The following ATRN variants were observed in gnomAD, a reference collection of about 807,000 sequenced individuals.
ATRN encodes the protein attractin.
A neutral mutation model predicts 178.7 loss-of-function variants in ATRN; 54 were observed. The observed-to-expected ratio is 0.30, with a 90% CI of 0.24 to 0.38. The LOEUF (loss-of-function observed/expected upper bound fraction) is 0.38, where lower values mean the gene tolerates loss of function less well. ATRN is among the 10% of genes least tolerant of loss of function. The pLI, the probability that ATRN is intolerant of heterozygous loss-of-function variation, is 1.00. For missense variants in ATRN, 1,443 were observed against 1,815.1 expected (o/e 0.79, Z 3.73); for synonymous variants, 636 against 663.0 (o/e 0.96, Z 0.63).
rs1272756475 is a variant in ATRN, at chr20:3,649,704, AG to A, written c.*2860del. 2 of 152,230 alleles carry A rather than the reference AG, an allele frequency of 1.3e-5. No individual in the cohort carries two copies. The highest frequency in any genetic ancestry group is 4.8e-5 in the African/African-American group (2 of 41,460). The allele number at this position is 152,230 out of a possible 1,614,324, so 9.4% of individuals were successfully genotyped here. On this transcript the variant is annotated 3_prime_UTR_variant, in exon 29 of 29. Coordinates refer to ENST00000262919, the MANE Select transcript of ATRN (RefSeq NM_139321.3). The stretch of plus-strand genomic sequence containing the variant: ...CAGCCTCTTGGTGCTCTGGGTAGTG[AG>A]GGATGACCAGTCTTGTCCTGAGAAA...
At position 3,511,317 on chromosome 20, in the gene ATRN, A is replaced by G. The variant is rs1359881106; in HGVS notation, c.411-23936A>G. Among the ~76,000 whole-genome samples the G allele has an allele frequency of 3.3e-5, 5 of 152,170 alleles. No homozygotes were observed. In the East Asian group the frequency reaches 5.8e-4, roughly 18 times the overall value. On this transcript the variant is annotated intron_variant, in intron 1 of 28. Transcript: ENST00000262919. ...TAGAAAAGACTAATAAAACTGATCA[A>G]CTGCTGGAGAGATTGATAAAGGCAA...
intron 4 of ATRN, 115 bp downstream of exon 4, chr20:3,546,005 A>G (rs146545951): frequency 4.3e-6 from 5 of 1,163,364 alleles, no homozygotes; most frequent in East Asian, 5.0e-5. Flanking sequence ...GGCAGTTTAC[A>G]TGGATTTTCT....
Position 3,549,255 on chromosome 20 carries a change from T to C in ATRN, c.1029T>C (p.Ser343=). The part of the protein sequence containing the change: ...EYSNLKLPRA[S]HKAVVNGNIM... ...CTAACTTAAAGCTCCCCAGAGCATC[T>C]CATAAAGCTGTGGTCAATGGAAACA... is the stretch of plus-strand genomic sequence containing the variant. The change falls in exon 6 of 29, where the codon TCT becomes TCC. Residue 343 remains serine, a synonymous_variant. Transcript: ENST00000262919. The C allele has an allele frequency of 6.2e-7, 1 of 1,610,808 alleles. No homozygotes were observed. The highest frequency in any genetic ancestry group is 8.5e-7 in the Non-Finnish European group (1 of 1,178,566).
chr20:3,524,566 T>C (rs903453059), intron 1 of ATRN, among the ~76,000 whole-genome samples: 1 of 152,198 alleles, frequency 6.6e-6, no homozygotes, highest in Non-Finnish European at 1.5e-5. Context: ...CAACAGGACC[T>C]AATAGACATC....
intron 23 of ATRN, among the ~76,000 whole-genome samples, chr20:3,601,969 C>T (rs562570051): frequency 5.9e-5 from 9 of 152,038 alleles, no homozygotes; most frequent in Admixed American, 2.0e-4. Flanking sequence ...TTACTTGCAC[C>T]GTGCTGTTAG....
Position 3,545,926 on chromosome 20 carries a change from CAGG to C in ATRN, c.737+39_737+41del, listed in dbSNP as rs1568720505. The C allele has an allele frequency of 1.9e-6, 3 of 1,599,576 alleles. No individual in the cohort carries two copies. In the South Asian group the frequency reaches 3.3e-5, roughly 18 times the overall value. ...TAAGTCTAGTATTTGTGATTTCATTCAGGAGACTATCTACTATGTTTTAACAAC... is the reference window on the plus strand; with the variant it reads ...TAAGTCTAGTATTTGTGATTTCATTCAGACTATCTACTATGTTTTAACAAC... On this transcript the variant is annotated intron_variant, in intron 4 of 28. Coordinates refer to ENST00000262919, the MANE Select transcript of ATRN (RefSeq NM_139321.3).
chr20:3,499,856 C>T (rs1321615579), intron 1 of ATRN, among the ~76,000 whole-genome samples: 1 of 147,930 alleles, frequency 6.8e-6, no homozygotes, highest in Non-Finnish European at 1.5e-5. Context: ...AACTAAAGAG[C>T]TTCTGCACAG....
intron 18 of ATRN, among the ~76,000 whole-genome samples, chr20:3,587,010 ATTAG>A (rs748008520): frequency 2.6e-4 from 40 of 152,208 alleles, no homozygotes; most frequent in Non-Finnish European, 4.6e-4. Context: ...CATCAACTTC[ATTAG>A]TTAGCCTTTT....
chr20:3,623,521 T>C (rs1212262634), intron 24 of ATRN, among the ~76,000 whole-genome samples: 1 of 152,132 alleles, frequency 6.6e-6, no homozygotes, highest in East Asian at 1.9e-4. Flanking sequence ...CTAAAAACAG[T>C]GCAAGGGGTT....
At chr20:3,587,012 T>G (rs1033792625) in intron 18 of ATRN, among the ~76,000 whole-genome samples, 1 of 152,162 alleles carries the variant, frequency 6.6e-6, no homozygotes, top group African/African-American at 2.4e-5. Context: ...TCAACTTCAT[T>G]AGTTAGCCTT....
At chr20:3,485,679 T>C (rs1181328217) in intron 1 of ATRN, among the ~76,000 whole-genome samples, 1 of 134,546 alleles carries the variant, frequency 7.4e-6, no homozygotes, top group African/African-American at 2.8e-5. Flanking sequence ...TGGAGTGCAA[T>C]GGTGCGATCT....
Position 3,649,949 on chromosome 20 carries a change from G to C in ATRN, c.*3102G>C, listed in dbSNP as rs139964177. ...TTTGACATACCCTGGACTCCTGTGT[G>C]CCTCCTGCCATCCCTGCACACAGCC... On this transcript the variant is annotated 3_prime_UTR_variant, in exon 29 of 29. Coordinates refer to ENST00000262919, the MANE Select transcript of ATRN (RefSeq NM_139321.3). 3 of 152,260 alleles carry C rather than the reference G, an allele frequency of 2.0e-5. No individual in the cohort carries two copies. The highest frequency in any genetic ancestry group is 2.0e-4 in the Admixed American group (3 of 15,288). 9.4% of individuals were successfully genotyped at this position (152,260 alleles called of 1,614,324 possible).
At chr20:3,500,867 AT>A (rs1183261169) in intron 1 of ATRN, among the ~76,000 whole-genome samples, 2 of 152,104 alleles carry the variant, frequency 1.3e-5, no homozygotes, top group Non-Finnish European at 2.9e-5. Flanking sequence ...ATTTAAAAAA[AT>A]AAAAATAAAA....
intron 24 of ATRN, among the ~76,000 whole-genome samples, chr20:3,608,800 C>A (rs1813497668): frequency 6.6e-6 from 1 of 151,952 alleles, no homozygotes; most frequent in African/African-American, 2.4e-5. Context: ...AACCCTGTCT[C>A]TAATAAAAAT....
chr20:3,531,961 A>C (rs947938427), intron 1 of ATRN, among the ~76,000 whole-genome samples: 7 of 152,160 alleles, frequency 4.6e-5, no homozygotes, highest in Non-Finnish European at 1.5e-5. Context: ...TCTCTAAAAA[A>C]CAAAATTAAT....
chr20:3,489,010 G>T (rs1568683283), intron 1 of ATRN, among the ~76,000 whole-genome samples: 1 of 152,156 alleles, frequency 6.6e-6, no homozygotes, highest in Non-Finnish European at 1.5e-5. Flanking sequence ...GCCCAGGCTG[G>T]AGTGCAGTGG....
At chr20:3,484,083 A>C (rs1030800988) in intron 1 of ATRN, among the ~76,000 whole-genome samples, 2 of 152,126 alleles carry the variant, frequency 1.3e-5, no homozygotes, top group African/African-American at 4.8e-5. Flanking sequence ...CCCCATCTCT[A>C]TAAAAAAATT....
At chr20:3,524,234 CAAA>C (rs761056301) in intron 1 of ATRN, among the ~76,000 whole-genome samples, 6 of 96,284 alleles carry the variant, frequency 6.2e-5, no homozygotes, top group Non-Finnish European at 1.2e-4. Context: ...AAATGGAAGC[CAAA>C]AAAAAAAAAA....
intron 19 of ATRN, 128 bp from the exon 20 acceptor site, chr20:3,594,351 T>C: frequency 1.7e-6 from 1 of 597,714 alleles, no homozygotes; most frequent in Non-Finnish European, 2.9e-6. Context: ...ACCCATTGAA[T>C]GCTCGTACTT....
Sources: gnomAD v4.1 joint callset for allele counts (sites outside exome capture counted in the v4.1 genomes callset) on GRCh38, gnomAD v4.1.1 for gene constraint, MANE v1.5 for transcripts, NCBI Gene and HGNC (gene_info 2026-07-23, HGNC 2026-07-21) for gene names.